RPH3AL: variants seen among roughly 807,000 people sequenced by gnomAD.
The protein encoded by RPH3AL is rab effector Noc2.
In RPH3AL, 38 loss-of-function variants were observed where a neutral mutation model predicts 43.1. That is an observed-to-expected ratio of 0.88 (90% CI 0.68 to 1.15). The LOEUF is 1.15. Among genes scored for constraint, RPH3AL ranks in the 50% most tolerant of loss-of-function variants. The pLI is 0.00. For synonymous variants in RPH3AL, 189 were observed against 176.3 expected, an observed-to-expected ratio of 1.07 and a Z score of -0.57; for missense variants, 462 against 423.2, an observed-to-expected ratio of 1.09 and a Z score of -0.81.
At position 217,403 on chromosome 17, in the gene RPH3AL, G is replaced by A. The variant is rs529705537; in HGVS notation, c.728-1601C>T. On this transcript the variant is annotated intron_variant, in intron 8 of 9. Coordinates refer to ENST00000331302, the MANE Select transcript of RPH3AL (RefSeq NM_006987.4). ...CCCCAAGGCATTTCGTTCCCATCTCGGGCAGTTATTACAGAGCCCTTCTTC... is the reference window on the plus strand; with the variant it reads ...CCCCAAGGCATTTCGTTCCCATCTCAGGCAGTTATTACAGAGCCCTTCTTC... Among the ~76,000 whole-genome samples the A allele has an allele frequency of 1.5e-3, 87 of 56,334 alleles. 5 individuals carry two copies. Among genetic ancestry groups the A allele is most frequent in the African/African-American group, 3.2e-3 (84 of 25,950 alleles). 37.0% of individuals were successfully genotyped at this position (56,334 alleles called of 152,430 possible).
chr17:293,411 T>C (rs1208079181), intron 5 of RPH3AL, among the ~76,000 whole-genome samples: 1 of 150,524 alleles, frequency 6.6e-6, no homozygotes, highest in Non-Finnish European at 1.5e-5. Context: ...CCTCTGCGAG[T>C]GTCAGTCTCA....
chr17:249,708 A>G (rs984003786), intron 6 of RPH3AL, among the ~76,000 whole-genome samples: 51 of 151,890 alleles, frequency 3.4e-4, no homozygotes, highest in African/African-American at 1.2e-3. Flanking sequence ...CTAATCACAT[A>G]CTCTTGAAAA....
At chr17:297,855 C>T (rs752455187) in intron 5 of RPH3AL, among the ~76,000 whole-genome samples, 14 of 152,156 alleles carry the variant, frequency 9.2e-5, no homozygotes, top group South Asian at 4.1e-4. Context: ...TGTAAGTCCC[C>T]GTTACTCCCG....
intron 5 of RPH3AL, among the ~76,000 whole-genome samples, chr17:298,870 C>T (rs1027526257): frequency 1.3e-5 from 2 of 152,124 alleles, no homozygotes; most frequent in Non-Finnish European, 2.9e-5. Flanking sequence ...GAACGGAGCT[C>T]CAAGGAGGGG....
At chr17:308,660 C>T (rs546888074) in intron 5 of RPH3AL, among the ~76,000 whole-genome samples, 2 of 152,274 alleles carry the variant, frequency 1.3e-5, no homozygotes, top group South Asian at 4.1e-4. Flanking sequence ...ATGGATGAAC[C>T]TTGAAAGCAT....
chr17:285,082 T>C (rs1220733829), intron 5 of RPH3AL, among the ~76,000 whole-genome samples: 1 of 152,116 alleles, frequency 6.6e-6, no homozygotes, highest in African/African-American at 2.4e-5. Context: ...AAACATTCAG[T>C]CCACAGCAGC....
At chr17:262,929 G>A (rs538086461) in intron 6 of RPH3AL, among the ~76,000 whole-genome samples, 12 of 152,274 alleles carry the variant, frequency 7.9e-5, no homozygotes, top group African/African-American at 2.6e-4. Flanking sequence ...CTCTGCCCAC[G>A]ACTGGCTCTG....
chr17:298,832 G>A (rs113479104), intron 5 of RPH3AL, among the ~76,000 whole-genome samples: 2,493 of 152,182 alleles, frequency 0.016, 33 homozygotes, highest in Non-Finnish European at 0.024. Context: ...GCACACTAGC[G>A]ATCCCTTAGG....
chr17:223,262 T>C (rs991141878), intron 7 of RPH3AL, among the ~76,000 whole-genome samples: 1 of 152,200 alleles, frequency 6.6e-6, no homozygotes, highest in African/African-American at 2.4e-5. Flanking sequence ...TCTGCCTCTT[T>C]CCATCAATTC....
At position 264,404 on chromosome 17, in the gene RPH3AL, T is replaced by C. The variant is rs1232109754; in HGVS notation, c.439-17119A>G. Among the ~76,000 whole-genome samples, 234 of 57,620 alleles carry C rather than the reference T, an allele frequency of 4.1e-3. 4 individuals are homozygous for C. Among genetic ancestry groups the C allele is most frequent in the Middle Eastern group, 0.019 (1 of 52 alleles). 37.8% of individuals were successfully genotyped at this position (57,620 alleles called of 152,430 possible). On this transcript the variant is annotated intron_variant, in intron 6 of 9. Transcript: ENST00000331302. This position sits in a 1 kb window ranked among gnomAD's most constrained non-coding sequence, Gnocchi z 4.8. ...ACAGCAGGATTACCCTTCGGAGCCG[T>C]GCGCGCTGGATGGGGACTCAGAATC...
chr17:260,790 C>T (rs191704689), intron 6 of RPH3AL, among the ~76,000 whole-genome samples: 16 of 152,238 alleles, frequency 1.1e-4, no homozygotes, highest in African/African-American at 3.6e-4. Flanking sequence ...CAGGACCCAG[C>T]CTCCCTCTCA....
chr17:314,769 G>GTACTCCACGTCCAT, intron 5 of RPH3AL, among the ~76,000 whole-genome samples: 1 of 113,782 alleles, frequency 8.8e-6, no homozygotes, highest in East Asian at 2.4e-4. Context: ...TGTAGTCTCT[G>GTACTCCACGTCCAT]TGACCCCACC....
intron 1 of RPH3AL, among the ~76,000 whole-genome samples, chr17:340,419 T>A (rs1203953275): frequency 1.6e-5 from 2 of 124,804 alleles, no homozygotes; most frequent in Admixed American, 8.3e-5. Flanking sequence ...GGCTCAGGCC[T>A]CCCCACATCC....
At chr17:352,477 G>A (rs1284498944) in intron 1 of RPH3AL, 2 of 151,836 alleles carry the variant, frequency 1.3e-5, no homozygotes, top group Non-Finnish European at 2.9e-5. Context: ...TGCGGCACGA[G>A]GCTGTTCTCC....
intron 5 of RPH3AL, among the ~76,000 whole-genome samples, chr17:314,114 A>G (rs941907627): frequency 5.3e-5 from 8 of 152,198 alleles, no homozygotes; most frequent in Admixed American, 5.2e-4. Flanking sequence ...CATGGCTCCA[A>G]GGAGCACCTG....
At chr17:251,107 G>A (rs113238144) in intron 6 of RPH3AL, among the ~76,000 whole-genome samples, 20 of 152,350 alleles carry the variant, frequency 1.3e-4, no homozygotes, top group African/African-American at 3.8e-4. Flanking sequence ...GGCACGGACT[G>A]CCACGTCCAG....
intron 1 of RPH3AL, among the ~76,000 whole-genome samples, chr17:348,535 G>GAAA (rs56974223): frequency 5.0e-5 from 7 of 139,704 alleles, no homozygotes; most frequent in African/African-American, 1.3e-4. Context: ...CACTGTTCAA[G>GAAA]AAAAAAAAAA....
At chr17:254,334 A>G (rs1374286887) in intron 6 of RPH3AL, among the ~76,000 whole-genome samples, 2 of 2,172 alleles carry the variant, frequency 9.2e-4, no homozygotes, top group Admixed American at 5.0e-3. Flanking sequence ...GTCCTTTTCC[A>G]TCCCTAGGAA....
intron 7 of RPH3AL, among the ~76,000 whole-genome samples, chr17:221,429 A>G (rs2040970553): frequency 7.5e-6 from 1 of 133,446 alleles, no homozygotes; most frequent in African/African-American, 3.2e-5. Flanking sequence ...TCACTGAGAC[A>G]ATAGACCCAA....
Sources: allele counts gnomAD v4.1 joint callset (sites outside exome capture counted in the v4.1 genomes callset), GRCh38; gene constraint gnomAD v4.1.1; non-coding constraint Gnocchi (gnomAD v3.1); transcripts MANE v1.5; gene names NCBI Gene and HGNC (gene_info 2026-07-23, HGNC 2026-07-21).